Variants in RBFOX1 observed in about 807,000 individuals in gnomAD.
The protein encoded by RBFOX1 is RNA binding fox-1 homolog 1, also known as RNA binding protein fox-1 homolog 1.
In RBFOX1, 8 loss-of-function variants were observed where a neutral mutation model predicts 57.7. The ratio of observed to expected loss-of-function variants is 0.14; its 90% CI spans 0.08 to 0.25. RBFOX1 has a LOEUF of 0.25. Ranked by LOEUF, RBFOX1 falls within the 10% of genes least tolerant of loss-of-function variation. The probability of loss-of-function intolerance (pLI) is 1.00; values close to 1 mark genes in which losing one functional copy is unlikely to be tolerated. For missense variants in RBFOX1, 611 were observed against 548.5 expected, an observed-to-expected ratio of 1.11 and a Z score of -1.14; for synonymous variants, 326 against 222.4, an observed-to-expected ratio of 1.47 and a Z score of -4.15.
chr16:7,504,743 A>ATATATATATATT (rs2072408185), intron 4 of RBFOX1, among the ~76,000 whole-genome samples: 12 of 14,968 alleles, frequency 8.0e-4, no homozygotes, highest in Non-Finnish European at 1.3e-3. Context: ...ATATATATAT[A>ATATATATATATT]TATATATATA....
rs560887970 is a variant in RBFOX1, at chr16:7,358,814, A to C, written c.28-159333A>C. Among the ~76,000 whole-genome samples, 191 of 152,304 alleles carry C rather than the reference A, an allele frequency of 1.3e-3. 1 individual carries two copies. Among genetic ancestry groups the C allele is most frequent in the African/African-American group, 4.2e-3 (176 of 41,554 alleles). ...AGCCCAGAAAGTAGCAGAGAGAAGGAAGGTTATATGTGCTCACGATGACTT... is the reference window on the plus strand; with the variant it reads ...AGCCCAGAAAGTAGCAGAGAGAAGGCAGGTTATATGTGCTCACGATGACTT... On this transcript the variant is annotated intron_variant, in intron 4 of 15. Transcript: ENST00000550418.
chr16:6,465,003 G>T (rs2095011316), intron 2 of RBFOX1, among the ~76,000 whole-genome samples: 1 of 152,172 alleles, frequency 6.6e-6, no homozygotes. Flanking sequence ...TTGTAACATG[G>T]TCATAATAAA....
chr16:6,130,879 G>T lies in RBFOX1; in HGVS notation c.-127+110887G>T, dbSNP rs1012057172. On this transcript the variant is annotated intron_variant, in intron 1 of 15. Coordinates refer to ENST00000550418, the MANE Select transcript of RBFOX1 (RefSeq NM_018723.4). The stretch of plus-strand genomic sequence containing the variant: ...CAGCTTCAAAATACATCAAGCAGAA[G>T]TTGACAAAACTAAAGCCAGTAATAG... Among the ~76,000 whole-genome samples, 37 of 152,056 alleles carry T rather than the reference G, an allele frequency of 2.4e-4. 1 individual carries two copies. Among genetic ancestry groups the T allele is most frequent in the African/African-American group, 8.9e-4 (37 of 41,408 alleles).
intron 2 of RBFOX1, among the ~76,000 whole-genome samples, chr16:6,347,846 G>A (rs1310512029): frequency 6.6e-6 from 1 of 152,194 alleles, no homozygotes; most frequent in Non-Finnish European, 1.5e-5. Flanking sequence ...ATGAGTGAAT[G>A]TTGAATTAAT....
intron 3 of RBFOX1, among the ~76,000 whole-genome samples, chr16:6,786,673 A>ACAAAGT (rs2082016342): frequency 6.6e-6 from 1 of 152,172 alleles, no homozygotes; most frequent in African/African-American, 2.4e-5. Context: ...AAGTAGGTCA[A>ACAAAGT]CAAAGTTCTG....
At chr16:6,703,030 T>C (rs1005415925) in intron 3 of RBFOX1, among the ~76,000 whole-genome samples, 7 of 152,242 alleles carry the variant, frequency 4.6e-5, no homozygotes, top group African/African-American at 1.4e-4. Flanking sequence ...CCTTGTCCTT[T>C]GGTATCTGGC....
intron 1 of RBFOX1, among the ~76,000 whole-genome samples, chr16:5,360,962 T>A (rs573307077): frequency 1.9e-4 from 29 of 152,006 alleles, no homozygotes; most frequent in African/African-American, 6.0e-4. Context: ...GGTGAGGAGG[T>A]GTGTAACCCT....
At chr16:6,809,781 T>TA (rs1819136703) in intron 3 of RBFOX1, among the ~76,000 whole-genome samples, 2 of 150,442 alleles carry the variant, frequency 1.3e-5, no homozygotes, top group African/African-American at 2.4e-5. Flanking sequence ...CAGTGGCTTT[T>TA]AAAAAACACT....
intron 4 of RBFOX1, among the ~76,000 whole-genome samples, chr16:7,059,445 G>C (rs941678469): frequency 6.6e-6 from 1 of 152,012 alleles, no homozygotes; most frequent in African/African-American, 2.4e-5. Context: ...AGGCAGTAGA[G>C]GTATAATAAT....
intron 3 of RBFOX1, among the ~76,000 whole-genome samples, chr16:5,729,055 G>A (rs554888318): frequency 6.6e-6 from 1 of 152,328 alleles, no homozygotes; most frequent in South Asian, 2.1e-4. Context: ...CAACTGCAGG[G>A]CAGAAGGGCC....
chr16:5,770,774 G>C (rs1447545634), intron 3 of RBFOX1, among the ~76,000 whole-genome samples: 1 of 152,212 alleles, frequency 6.6e-6, no homozygotes, highest in Non-Finnish European at 1.5e-5. Flanking sequence ...TGAACTGGCA[G>C]GATGTGGGTG....
At chr16:6,267,502 C>G (rs1427625383) in intron 1 of RBFOX1, among the ~76,000 whole-genome samples, 4 of 152,144 alleles carry the variant, frequency 2.6e-5, no homozygotes, top group African/African-American at 2.4e-5. Flanking sequence ...GCAATGGAAT[C>G]CAGTTGATTC....
chr16:6,039,372 A>C (rs1175095486), intron 1 of RBFOX1, among the ~76,000 whole-genome samples: 1 of 151,716 alleles, frequency 6.6e-6, no homozygotes, highest in East Asian at 1.9e-4. Flanking sequence ...AAAACAGAAC[A>C]AAACATGCCA....
chr16:5,397,636 A>G lies in RBFOX1; in HGVS notation c.220-69580A>G, dbSNP rs142772911. On this transcript the variant is annotated intron_variant, in intron 1 of 2. Transcript: ENST00000585867. ...TCTTCAATAGATGAAAGGCATGAAG[A>G]AAAGAGAGGAACTGCTGTGGTTTAA... Among the ~76,000 whole-genome samples the G allele has an allele frequency of 8.8e-3, 1,347 of 152,354 alleles. 8 individuals carry two copies. Among genetic ancestry groups the G allele is most frequent in the Middle Eastern group, 0.044 (13 of 294 alleles).
At chr16:5,875,116 C>T (rs528601505) in intron 4 of RBFOX1, among the ~76,000 whole-genome samples, 1 of 152,252 alleles carries the variant, frequency 6.6e-6, no homozygotes, top group South Asian at 2.1e-4. Flanking sequence ...AAGAACCTTC[C>T]CATAGCAACA....
intron 2 of RBFOX1, among the ~76,000 whole-genome samples, chr16:5,471,216 A>T (rs543347587): frequency 1.2e-4 from 19 of 152,208 alleles, no homozygotes; most frequent in Non-Finnish European, 2.6e-4. Context: ...GATGCTAAAA[A>T]GTTCTTAGTC....
intron 3 of RBFOX1, among the ~76,000 whole-genome samples, chr16:6,738,259 C>T (rs1032920162): frequency 3.3e-5 from 5 of 151,894 alleles, no homozygotes; most frequent in Non-Finnish European, 7.4e-5. Context: ...GATGTGAGTC[C>T]TTTGATTGCC....
intron 1 of RBFOX1, among the ~76,000 whole-genome samples, chr16:5,398,777 A>G (rs1036203826): frequency 1.3e-5 from 2 of 152,128 alleles, no homozygotes; most frequent in African/African-American, 4.8e-5. Context: ...TATTTGGGAC[A>G]GTTCTGGTGA....
At chr16:5,817,441 A>C (rs1205319411) in intron 3 of RBFOX1, among the ~76,000 whole-genome samples, 1 of 152,300 alleles carries the variant, frequency 6.6e-6, no homozygotes, top group East Asian at 1.9e-4. Flanking sequence ...TGTAGGTAAT[A>C]AATAAATGTC....
Sources: allele counts gnomAD v4.1 joint callset (sites outside exome capture counted in the v4.1 genomes callset), GRCh38; gene constraint gnomAD v4.1.1; transcripts MANE v1.5; gene names NCBI Gene and HGNC (gene_info 2026-07-23, HGNC 2026-07-21).